The following STK24 variants were observed in gnomAD, a reference collection of about 807,000 sequenced individuals.
The protein encoded by STK24 is serine/threonine-protein kinase 24.
STK24 carries 21 observed loss-of-function variants against 55.6 expected under a neutral mutation model. That is an observed-to-expected ratio of 0.38 (90% CI 0.27 to 0.54). The LOEUF is 0.54. Ranked by LOEUF, STK24 falls within the 20% of genes least tolerant of loss-of-function variation. STK24 has a pLI of 0.79. For synonymous variants in STK24, 200 were observed against 215.2 expected (o/e 0.93, Z 0.62); for missense variants, 383 against 538.4 (o/e 0.71, Z 2.86).
intron 1 of STK24, among the ~76,000 whole-genome samples, chr13:98,565,626 C>T (rs1451350999): frequency 1.7e-5 from 2 of 116,328 alleles, no homozygotes; most frequent in Middle Eastern, 4.0e-3. Flanking sequence ...AATGAGACTC[C>T]ATCTCAAAAA....
chr13:98,446,194 A>AAATC lies in STK24; in HGVS notation c.*6975_*6978dup. On this transcript the variant is annotated 3_prime_UTR_variant, in exon 11 of 11. Transcript: ENST00000539966. Reference sequence around the variant, plus strand: ...CACAAACTTCTGCCTGTTCTTCTACAAATCACACCAGGTAAGTGTCTCGCA... The same window carrying AAATC: ...CACAAACTTCTGCCTGTTCTTCTACAAATCAATCACACCAGGTAAGTGTCTCGCA... 1 of 1,611,344 alleles carries AAATC rather than the reference A, an allele frequency of 6.2e-7. No individual in the cohort carries two copies. Among genetic ancestry groups the AAATC allele is most frequent in the East Asian group, 2.2e-5 (1 of 44,856 alleles).
At chr13:98,522,480 A>G (rs1896297900) in intron 1 of STK24, among the ~76,000 whole-genome samples, 1 of 152,174 alleles carries the variant, frequency 6.6e-6, no homozygotes, top group Non-Finnish European at 1.5e-5. Context: ...CTTGAAGGAA[A>G]GGCTGTGTTA....
At chr13:98,512,031 C>T (rs1300627425) in intron 2 of STK24, among the ~76,000 whole-genome samples, 10 of 151,526 alleles carry the variant, frequency 6.6e-5, no homozygotes, top group Admixed American at 2.0e-4. Context: ...ACTACAGGTG[C>T]GTGCCACCAT....
chr13:98,552,835 C>T lies in STK24; in HGVS notation c.42+23910G>A, dbSNP rs75267939. Among the ~76,000 whole-genome samples the T allele has an allele frequency of 8.7e-3, 1,328 of 152,250 alleles. 26 individuals are homozygous for T. The highest frequency in any genetic ancestry group is 0.029 in the African/African-American group (1,222 of 41,532). ...CAAAAGGACACGTTTTCAGGATACCCTCACTGATTTCCAGGCAGTGGAACT... is the reference window on the plus strand; with the variant it reads ...CAAAAGGACACGTTTTCAGGATACCTTCACTGATTTCCAGGCAGTGGAACT... On this transcript the variant is annotated intron_variant, in intron 1 of 10. Coordinates refer to ENST00000539966, the MANE Select transcript of STK24 (RefSeq NM_001032296.4).
chr13:98,575,006 T>C (rs528197001), intron 1 of STK24, among the ~76,000 whole-genome samples: 1 of 152,326 alleles, frequency 6.6e-6, no homozygotes, highest in South Asian at 2.1e-4. Context: ...GTGAGGCATT[T>C]GTGCTAGATT....
intron 1 of STK24, among the ~76,000 whole-genome samples, chr13:98,545,604 A>G (rs1412932291): frequency 2.0e-5 from 3 of 147,148 alleles, no homozygotes; most frequent in Non-Finnish European, 4.5e-5. Context: ...ACTGCACTCC[A>G]GCCTGGGTGA....
At chr13:98,541,441 A>T (rs1292525209) in intron 1 of STK24, among the ~76,000 whole-genome samples, 1 of 152,248 alleles carries the variant, frequency 6.6e-6, no homozygotes, top group African/African-American at 2.4e-5. Context: ...CAAAGGAAAC[A>T]GTGTTTTCCT....
At chr13:98,539,739 A>G (rs1242069346) in intron 1 of STK24, among the ~76,000 whole-genome samples, 2 of 152,236 alleles carry the variant, frequency 1.3e-5, no homozygotes, top group African/African-American at 4.8e-5. Context: ...TGGAGGGAGC[A>G]AAATGACGTG....
intron 2 of STK24, among the ~76,000 whole-genome samples, chr13:98,489,514 C>T (rs1445369147): frequency 7.9e-5 from 12 of 152,224 alleles, no homozygotes; most frequent in Non-Finnish European, 5.9e-5. Flanking sequence ...GAGTAACACC[C>T]TGGCTCTGGC....
At chr13:98,488,743 A>G (rs957242908) in intron 2 of STK24, among the ~76,000 whole-genome samples, 5 of 152,180 alleles carry the variant, frequency 3.3e-5, no homozygotes, top group African/African-American at 1.2e-4. Context: ...GACCGGAACC[A>G]GGGCCCCCAC....
At chr13:98,547,811 T>C (rs1897063542) in intron 1 of STK24, among the ~76,000 whole-genome samples, 1 of 152,206 alleles carries the variant, frequency 6.6e-6, no homozygotes, top group Non-Finnish European at 1.5e-5. Flanking sequence ...ACTGAGAAAA[T>C]ACATGATGTG....
chr13:98,464,207 G>A (rs941116564), intron 6 of STK24, among the ~76,000 whole-genome samples: 1 of 152,038 alleles, frequency 6.6e-6, no homozygotes, highest in Admixed American at 6.5e-5. Context: ...CACGAGGTCA[G>A]GAGATCGAGA....
chr13:98,449,916 C>CA lies in STK24; in HGVS notation c.*3256dup, dbSNP rs2139205750. ...TCCCTATGCTCCCCCCACCTCCAGG[C>CA]AGGGGCAGAGCAAACAAACAGCTCC... On this transcript the variant is annotated 3_prime_UTR_variant, in exon 11 of 11. Coordinates refer to ENST00000539966, the MANE Select transcript of STK24 (RefSeq NM_001032296.4). 1 of 152,474 alleles carries CA rather than the reference C, an allele frequency of 6.6e-6. No individual in the cohort carries two copies. The highest frequency in any genetic ancestry group is 2.1e-4 in the South Asian group (1 of 4,820). 9.4% of individuals were successfully genotyped at this position (152,474 alleles called of 1,614,324 possible). A position where few individuals can be genotyped will look rare whatever the true frequency, so the allele number is the denominator to read the frequency against.
At chr13:98,510,718 C>A (rs1895852484) in intron 2 of STK24, among the ~76,000 whole-genome samples, 1 of 152,156 alleles carries the variant, frequency 6.6e-6, no homozygotes, top group Admixed American at 6.5e-5. Context: ...ATACGCAAAT[C>A]TATAGAGACA....
intron 1 of STK24, among the ~76,000 whole-genome samples, chr13:98,562,224 G>A (rs540854007): frequency 6.6e-6 from 1 of 152,264 alleles, no homozygotes; most frequent in East Asian, 1.9e-4. Context: ...TCAAGTACTG[G>A]GATTCTAGAT....
rs1566328485 is a variant in STK24 at position 98,446,157 on chromosome 13, G to A, written c.*7016C>T. 3.1e-6 allele frequency: 5 copies of A among 1,614,096 alleles called. No individual in the cohort carries two copies. Among genetic ancestry groups the A allele is most frequent in the Admixed American group, 1.7e-5 (1 of 60,024 alleles). On this transcript the variant is annotated 3_prime_UTR_variant, in exon 11 of 11. Transcript: ENST00000539966. Reference sequence around the variant, plus strand: ...AAAACAGCAACGGGTGGCAGAAGCTGTGGGTGGTGTTCACAAACTTCTGCC... The same window carrying A: ...AAAACAGCAACGGGTGGCAGAAGCTATGGGTGGTGTTCACAAACTTCTGCC...
chr13:98,451,042 C>CCCGTTCATACCAGTATT lies in STK24; in HGVS notation c.*2114_*2130dup, dbSNP rs1481743907. 6.6e-6 allele frequency: 1 copy of CCCGTTCATACCAGTATT among 152,138 alleles called. No homozygotes were observed. Among genetic ancestry groups the CCCGTTCATACCAGTATT allele is most frequent in the East Asian group, 1.9e-4 (1 of 5,194 alleles). 9.4% of individuals were successfully genotyped at this position (152,138 alleles called of 1,614,324 possible). On this transcript the variant is annotated 3_prime_UTR_variant, in exon 11 of 11. Transcript: ENST00000539966. ...ATTTGTCTGGCGACTGCAGAGACTC[C>CCCGTTCATACCAGTATT]CCGTTCATACCAGTATTCATTAGAA...
At chr13:98,457,506 G>C (rs1033337050) in intron 9 of STK24, among the ~76,000 whole-genome samples, 15 of 114,888 alleles carry the variant, frequency 1.3e-4, no homozygotes, top group African/African-American at 4.4e-4. Context: ...GTCTGGCTTT[G>C]TTGCTCAGGC....
intron 1 of STK24, among the ~76,000 whole-genome samples, chr13:98,559,461 C>G (rs556748584): frequency 3.1e-4 from 47 of 152,312 alleles, no homozygotes; most frequent in South Asian, 1.0e-3. Context: ...GACTGTGAGG[C>G]CTCCCCAACC....
Sources: gnomAD v4.1 joint callset for allele counts (sites outside exome capture counted in the v4.1 genomes callset) on GRCh38, gnomAD v4.1.1 for gene constraint, MANE v1.5 for transcripts, NCBI Gene and HGNC (gene_info 2026-07-23, HGNC 2026-07-21) for gene names.